FRYL: variants seen among roughly 807,000 people sequenced by gnomAD.
FRYL encodes the protein FRY like transcription coactivator.
In FRYL, 150 loss-of-function variants were observed where a neutral mutation model predicts 351.2. That is an observed-to-expected ratio of 0.43 (90% CI 0.37 to 0.49). FRYL has a LOEUF of 0.49. Among genes scored for constraint, FRYL ranks in the 20% least tolerant of loss-of-function variants. FRYL has a pLI of 0.00. For missense variants in FRYL, 3,036 were observed against 3,619.3 expected (o/e 0.84, Z 4.13); for synonymous variants, 1,153 against 1,257.1 (o/e 0.92, Z 1.75).
chr4:48,539,999 C>T lies in FRYL; in HGVS notation c.6365G>A (p.Cys2122Tyr). ...TGCTATTCGACTAGCTGTTTCTTTG[C>T]AAAACTGAGTTGGGCTGTCAAAATG... is the stretch of plus-strand genomic sequence containing the variant. ...IQHFDSPTQF[C>Y]KETASRIAKV... Residue 2122 changes from cysteine to tyrosine, a missense_variant, in exon 47 of 64, where the codon TGC (cysteine) becomes TAC (tyrosine). Cys to Tyr is a radical substitution (Grantham distance 194). This residue lies in a region of FRYL where 1,987 missense variants were observed against 2,311.7 expected (regional missense o/e 0.86). Transcript: ENST00000358350. 5.0e-6 allele frequency: 8 copies of T among 1,612,822 alleles called. No homozygotes were observed. The highest frequency in any genetic ancestry group is 5.9e-6 in the Non-Finnish European group (7 of 1,179,368).
At chr4:48,624,806 C>T (rs1156733756) in intron 4 of FRYL, among the ~76,000 whole-genome samples, 3 of 152,138 alleles carry the variant, frequency 2.0e-5, no homozygotes, top group Admixed American at 2.0e-4. Context: ...ATTGCCTTCC[C>T]CTATGTGGGT....
chr4:48,612,465 CA>C (rs1384030791), intron 7 of FRYL, among the ~76,000 whole-genome samples: 1 of 151,076 alleles, frequency 6.6e-6, no homozygotes, highest in Non-Finnish European at 1.5e-5. Flanking sequence ...CAAGGTCAAC[CA>C]TGGTTTGAAA....
At chr4:48,657,925 T>C (rs1450107393) in intron 3 of FRYL, among the ~76,000 whole-genome samples, 1 of 152,238 alleles carries the variant, frequency 6.6e-6, no homozygotes, top group East Asian at 1.9e-4. Context: ...TCCCTATTTC[T>C]TTTAATCACC....
At chr4:48,510,278 C>T in intron 58 of FRYL, 121 bp from the exon 59 acceptor site, 1 of 716,936 alleles carries the variant, frequency 1.4e-6, no homozygotes, top group South Asian at 1.6e-5. Flanking sequence ...ATTCTCTTAA[C>T]TCTACTCTGT....
chr4:48,533,267 G>GT (rs538722019), intron 49 of FRYL, among the ~76,000 whole-genome samples: 326 of 145,406 alleles, frequency 2.2e-3, no homozygotes, highest in Middle Eastern at 7.2e-3. Context: ...TATTTTATAA[G>GT]TTTTTTTTTT....
chr4:48,604,310 G>C (rs1746297037), intron 11 of FRYL, among the ~76,000 whole-genome samples: 1 of 152,194 alleles, frequency 6.6e-6, no homozygotes, highest in African/African-American at 2.4e-5. Context: ...AGAAGGAGCT[G>C]CATGTGCAAA....
intron 3 of FRYL, among the ~76,000 whole-genome samples, chr4:48,666,210 A>T (rs1308559363): frequency 1.3e-5 from 2 of 151,950 alleles, no homozygotes; most frequent in Admixed American, 1.3e-4. Flanking sequence ...AAAATAAAAA[A>T]CCAAAAATTA....
intron 1 of FRYL, among the ~76,000 whole-genome samples, chr4:48,715,726 C>A (rs1453130938): frequency 2.0e-5 from 3 of 152,258 alleles, no homozygotes; most frequent in South Asian, 4.1e-4. Context: ...TCAATGCCAT[C>A]CCCATCAAGC....
chr4:48,777,774 T>A lies in FRYL; in HGVS notation c.-384+2304A>T, dbSNP rs184830790. Among the ~76,000 whole-genome samples the A allele has an allele frequency of 1.6e-3, 242 of 152,284 alleles. 1 individual carries two copies. The highest frequency in any genetic ancestry group is 5.6e-3 in the African/African-American group (234 of 41,550). On this transcript the variant is annotated intron_variant, in intron 1 of 63. Transcript: ENST00000358350. ...TTGGTTTAACCGTCTCCTTTTATTA[T>A]GAGATGGGAAGGAAGATTATGCCTA...
At chr4:48,556,839 G>T in intron 35 of FRYL, 139 bp downstream of exon 35, 1 of 604,382 alleles carries the variant, frequency 1.7e-6, no homozygotes. Flanking sequence ...ATAAATCCAT[G>T]TGCTATTTCC....
chr4:48,506,514 G>C (rs1720960255), intron 59 of FRYL: 2 of 150,884 alleles, frequency 1.3e-5, no homozygotes, highest in Non-Finnish European at 3.0e-5. Context: ...TAAAAGCTAA[G>C]TGCATTCCAG....
chr4:48,539,456 TC>T (rs1356200264), intron 47 of FRYL, among the ~76,000 whole-genome samples: 5 of 152,180 alleles, frequency 3.3e-5, no homozygotes, highest in African/African-American at 1.2e-4. Context: ...GTGATCTAAG[TC>T]AGCTTAGATA....
chr4:48,500,304 A>T, intron 62 of FRYL, 84 bp from the exon 63 acceptor site: 1 of 757,264 alleles, frequency 1.3e-6, no homozygotes, highest in Non-Finnish European at 2.1e-6. Context: ...ACCTGATGGC[A>T]GTAGCATTGT....
At chr4:48,687,513 G>A (rs2149552075) in intron 2 of FRYL, among the ~76,000 whole-genome samples, 1 of 128,898 alleles carries the variant, frequency 7.8e-6, no homozygotes. Flanking sequence ...GGGGTGAGGG[G>A]GGAGGGGGGC....
chr4:48,607,554 T>C (rs532585527), intron 9 of FRYL, among the ~76,000 whole-genome samples: 10 of 152,316 alleles, frequency 6.6e-5, no homozygotes, highest in African/African-American at 2.4e-4. Flanking sequence ...CAAAAATTAT[T>C]AGTCACTACA....
chr4:48,624,083 A>C (rs766627902), intron 4 of FRYL, among the ~76,000 whole-genome samples: 2 of 152,152 alleles, frequency 1.3e-5, no homozygotes, highest in Non-Finnish European at 2.9e-5. Context: ...GTATTTCATT[A>C]AAAATAAACA....
At chr4:48,776,945 T>A (rs1335480392) in intron 1 of FRYL, among the ~76,000 whole-genome samples, 1 of 152,224 alleles carries the variant, frequency 6.6e-6, no homozygotes, top group Non-Finnish European at 1.5e-5. Context: ...TACTTGTTAC[T>A]GCACTGACAT....
intron 1 of FRYL, among the ~76,000 whole-genome samples, chr4:48,775,406 T>A (rs1775913871): frequency 6.6e-6 from 1 of 152,218 alleles, no homozygotes; most frequent in Non-Finnish European, 1.5e-5. Flanking sequence ...ATAGATGCAG[T>A]TCTCAAAAGT....
chr4:48,635,329 A>G (rs950425188), intron 3 of FRYL, among the ~76,000 whole-genome samples: 13 of 152,192 alleles, frequency 8.5e-5, no homozygotes, highest in African/African-American at 2.7e-4. Flanking sequence ...GACCCAGGGA[A>G]GCCATTACAG....
Sources: gnomAD v4.1 joint callset for allele counts (sites outside exome capture counted in the v4.1 genomes callset) on GRCh38, gnomAD v4.1.1 for gene constraint, gnomAD v4.1.1 regional missense constraint, MANE v1.5 for transcripts, NCBI Gene and HGNC (gene_info 2026-07-23, HGNC 2026-07-21) for gene names.